The following CPEB4 variants were observed in gnomAD, a reference collection of about 807,000 sequenced individuals.
The protein encoded by CPEB4 is cytoplasmic polyadenylation element-binding protein 4.
CPEB4 carries 12 observed loss-of-function variants against 72.5 expected under a neutral mutation model. The ratio of observed to expected loss-of-function variants is 0.17; its 90% CI spans 0.11 to 0.27. CPEB4 has a LOEUF of 0.27. Ranked by LOEUF, CPEB4 falls within the 10% of genes least tolerant of loss-of-function variation. The probability of loss-of-function intolerance (pLI) is 1.00; values close to 1 mark genes in which losing one functional copy is unlikely to be tolerated. For missense variants in CPEB4, 614 were observed against 908.5 expected, an observed-to-expected ratio of 0.68 and a Z score of 4.17; for synonymous variants, 302 against 326.3, an observed-to-expected ratio of 0.93 and a Z score of 0.80.
chr5:173,912,063 A>C (rs1756685714), intron 2 of CPEB4, among the ~76,000 whole-genome samples: 1 of 152,196 alleles, frequency 6.6e-6, no homozygotes. Flanking sequence ...CTGATGTGAT[A>C]CCTTTGAAAT....
At chr5:173,947,713 T>A (rs1758076411) in intron 5 of CPEB4, among the ~76,000 whole-genome samples, 1 of 152,218 alleles carries the variant, frequency 6.6e-6, no homozygotes, top group African/African-American at 2.4e-5. Flanking sequence ...AATTTGTGTT[T>A]GGGCGTGTAT....
At chr5:173,897,839 A>C (rs80133474) in intron 1 of CPEB4, among the ~76,000 whole-genome samples, 3,644 of 151,886 alleles carry the variant, frequency 0.024, 70 homozygotes, top group Non-Finnish European at 0.039. Context: ...TCAATTATAA[A>C]TACACACTCG....
chr5:173,934,559 A>G (rs1459625657), intron 3 of CPEB4, among the ~76,000 whole-genome samples: 2 of 152,176 alleles, frequency 1.3e-5, no homozygotes, highest in Non-Finnish European at 2.9e-5. Flanking sequence ...TCTCAGGTCT[A>G]GTACTGAGCT....
intron 2 of CPEB4, among the ~76,000 whole-genome samples, chr5:173,916,789 A>G (rs1157273609): frequency 6.6e-6 from 1 of 152,236 alleles, no homozygotes; most frequent in African/African-American, 2.4e-5. Context: ...ACTCAAGTTG[A>G]AAGTTTAGTA....
Position 173,889,660 on chromosome 5 carries a change from G to A in CPEB4, c.-74G>A. On this transcript the variant is annotated 5_prime_UTR_variant, in exon 1 of 10. Transcript: ENST00000265085. Reference sequence around the variant, plus strand: ...AAGCAAGCAAACAACTTAAATTTGGGGTAGAGGAAAAAAAAGGCGTGAGAC... The same window carrying A: ...AAGCAAGCAAACAACTTAAATTTGGAGTAGAGGAAAAAAAAGGCGTGAGAC... 1 of 1,289,954 alleles carries A rather than the reference G, an allele frequency of 7.8e-7. No individual in the cohort carries two copies. The highest frequency in any genetic ancestry group is 1.5e-5 in the South Asian group (1 of 68,114). 79.9% of individuals were successfully genotyped at this position (1,289,954 alleles called of 1,614,324 possible). A position where few individuals can be genotyped will look rare whatever the true frequency, so the allele number is the denominator to read the frequency against.
Position 173,931,229 on chromosome 5 carries a change from T to C in CPEB4, c.1208-1221T>C, listed in dbSNP as rs988914902. Among the ~76,000 whole-genome samples the C allele has an allele frequency of 2.6e-5, 4 of 152,170 alleles. 1 individual carries two copies. The highest frequency in any genetic ancestry group is 3.9e-4 in the East Asian group (2 of 5,188). On this transcript the variant is annotated intron_variant, in intron 2 of 9. Coordinates refer to ENST00000265085, the MANE Select transcript of CPEB4 (RefSeq NM_030627.4). ...TAGCTGTTGGATTGATGGGACCCCA[T>C]GTTAGCTCTGGTTCCCAGAGTATTT...
At position 173,890,263 on chromosome 5, in the gene CPEB4, C is replaced by T. The variant is rs1224103342; in HGVS notation, c.530C>T (p.Pro177Leu). The change falls in exon 1 of 10, where the codon CCT becomes CTT. Residue 177 changes from proline to leucine, a missense_variant. Pro to Leu is a moderately conservative substitution (Grantham distance 98). Transcript: ENST00000265085. ...GFSNWSAAIA[P>L]SSSTIINEDA... ...AGTAACTGGTCAGCAGCGATAGCGCCTTCCTCCTCTACAATAATCAATGAA... is the reference window on the plus strand; with the variant it reads ...AGTAACTGGTCAGCAGCGATAGCGCTTTCCTCCTCTACAATAATCAATGAA... 1 of 1,613,910 alleles carries T rather than the reference C, an allele frequency of 6.2e-7. No individual in the cohort carries two copies. Among genetic ancestry groups the T allele is most frequent in the Admixed American group, 1.7e-5 (1 of 59,976 alleles).
At position 173,926,941 on chromosome 5, in the gene CPEB4, G is replaced by T; in HGVS notation, c.1208-5509G>T. Among the ~76,000 whole-genome samples, 2 of 152,150 alleles carry T rather than the reference G, an allele frequency of 1.3e-5. 1 individual carries two copies. The stretch of plus-strand genomic sequence containing the variant: ...AGGTGGAGGCATCACCTGAGGTCAG[G>T]AGTTCGAGATCAGCCTGGCCAACAT... On this transcript the variant is annotated intron_variant, in intron 2 of 9. Coordinates refer to ENST00000265085, the MANE Select transcript of CPEB4 (RefSeq NM_030627.4).
intron 1 of CPEB4, among the ~76,000 whole-genome samples, chr5:173,901,018 C>A (rs927845696): frequency 1.3e-5 from 2 of 152,016 alleles, no homozygotes; most frequent in Admixed American, 1.3e-4. Flanking sequence ...CTCTGCTAGG[C>A]AAGATTAGTA....
At chr5:173,952,638 A>G (rs2113300915) in intron 8 of CPEB4, among the ~76,000 whole-genome samples, 1 of 152,120 alleles carries the variant, frequency 6.6e-6, no homozygotes, top group South Asian at 2.1e-4. Context: ...TTTGATGGAA[A>G]TAAGCCAGGA....
chr5:173,891,805 A>C (rs1755821904), intron 1 of CPEB4, among the ~76,000 whole-genome samples: 1 of 152,202 alleles, frequency 6.6e-6, no homozygotes, highest in South Asian at 2.1e-4. Flanking sequence ...ATATGTGTTT[A>C]GGAAATTTAT....
rs749558156 is a variant in CPEB4 at position 173,949,945 on chromosome 5, C to T, written c.1547-15C>T. 2 of 1,541,786 alleles carry T rather than the reference C, an allele frequency of 1.3e-6. No homozygotes were observed. The highest frequency in any genetic ancestry group is 2.3e-5 in the South Asian group (2 of 87,896). On this transcript the variant is annotated splice_polypyrimidine_tract_variant and intron_variant, in intron 6 of 9. Transcript: ENST00000265085. ...ATAGGAAAACATGTAAGCCTTCTTT[C>T]CCCCTTTTTTCCAGGCTATGCATTC...
chr5:173,936,130 TCTAAAGCTA>T (rs1355661717), intron 3 of CPEB4, among the ~76,000 whole-genome samples: 2 of 152,214 alleles, frequency 1.3e-5, no homozygotes, highest in Non-Finnish European at 2.9e-5. Context: ...AACCAAACTA[TCTAAAGCTA>T]CTTTTTGGGT....
At position 173,889,700 on chromosome 5, in the gene CPEB4, T is replaced by A; in HGVS notation, c.-34T>A. The A allele has an allele frequency of 6.6e-7, 1 of 1,522,304 alleles. No homozygotes were observed. Among genetic ancestry groups the A allele is most frequent in the Non-Finnish European group, 8.8e-7 (1 of 1,135,494 alleles). The allele number at this position is 1,522,304 out of a possible 1,614,324, so 94.3% of individuals were successfully genotyped here. On this transcript the variant is annotated 5_prime_UTR_variant, in exon 1 of 10. Coordinates refer to ENST00000265085, the MANE Select transcript of CPEB4 (RefSeq NM_030627.4). Reference sequence around the variant, plus strand: ...AGGCGTGAGACATCAGGTTGTCATTTTTTATTGTGAGATTCTGCTCCTAAA... The same window carrying A: ...AGGCGTGAGACATCAGGTTGTCATTATTTATTGTGAGATTCTGCTCCTAAA...
rs1758366946 is a variant in CPEB4, at chr5:173,956,056, T to G, written c.2109T>G (p.Ser703=). ...AATATTGCTGGGCTGCTATCCATTC[T>G]CGTGCTGGCAGGGAATTCCACAAGC... ...YCEYCWAAIH[S]RAGREFHKPL... is the part of the protein sequence containing the mutation. Residue 703 remains serine, a synonymous_variant, in exon 10 of 10, where the codon TCT becomes TCG. Transcript: ENST00000265085. The G allele has an allele frequency of 6.2e-7, 1 of 1,614,076 alleles. No homozygotes were observed. Among genetic ancestry groups the G allele is most frequent in the Non-Finnish European group, 8.5e-7 (1 of 1,180,020 alleles).
At chr5:173,926,940 G>T (rs1757261627) in intron 2 of CPEB4, among the ~76,000 whole-genome samples, 1 of 152,108 alleles carries the variant, frequency 6.6e-6, no homozygotes, top group East Asian at 1.9e-4. Flanking sequence ...CCTGAGGTCA[G>T]GAGTTCGAGA....
rs377447746 is a variant in CPEB4, at chr5:173,960,252, A to G, written c.*4115A>G. 6.6e-6 allele frequency: 1 copy of G among 152,660 alleles called. No individual in the cohort carries two copies. Among genetic ancestry groups the G allele is most frequent in the Non-Finnish European group, 1.5e-5 (1 of 68,032 alleles). The allele number at this position is 152,660 out of a possible 1,614,324, so 9.5% of individuals were successfully genotyped here. ...CAAATGACTATTTATACCAGTATGC[A>G]TATAATTTTTAAATATTTGTAATGT... On this transcript the variant is annotated 3_prime_UTR_variant, in exon 10 of 10. Transcript: ENST00000265085.
At chr5:173,940,583 T>C (rs56184817) in intron 3 of CPEB4, among the ~76,000 whole-genome samples, 33,769 of 152,208 alleles carry the variant, frequency 0.22, 4,961 homozygotes, top group Non-Finnish European at 0.31. Flanking sequence ...GTCTGGGTTC[T>C]GGTTACATAG....
chr5:173,901,386 A>G (rs555387148), intron 1 of CPEB4, among the ~76,000 whole-genome samples: 6 of 152,370 alleles, frequency 3.9e-5, no homozygotes, highest in African/African-American at 1.4e-4. Context: ...TACAGGAGCT[A>G]TAATGAAAAA....
Sources: gnomAD v4.1 joint callset for allele counts (sites outside exome capture counted in the v4.1 genomes callset) on GRCh38, gnomAD v4.1.1 for gene constraint, MANE v1.5 for transcripts, NCBI Gene and HGNC (gene_info 2026-07-23, HGNC 2026-07-21) for gene names.